Variants in SH3D19 observed in about 807,000 individuals in gnomAD.
The protein encoded by SH3D19 is SH3 domain containing 19, also known as SH3 domain-containing protein 19.
Under a neutral mutation model 112.1 loss-of-function variants are expected in SH3D19, and 58 were observed. The ratio of observed to expected loss-of-function variants is 0.52; its 90% confidence interval spans 0.42 to 0.64. The LOEUF (loss-of-function observed/expected upper bound fraction) is 0.64. Among genes scored for constraint, SH3D19 ranks in the 30% least tolerant of loss-of-function variants. SH3D19 has a pLI of 0.00. For missense variants in SH3D19, 1,090 were observed against 1,263.4 expected, an observed-to-expected ratio of 0.86 and a Z score of 2.08; for synonymous variants, 391 against 448.5, an observed-to-expected ratio of 0.87 and a Z score of 1.62.
chr4:151,133,880 T>G (rs145152940), intron 15 of SH3D19, among the ~76,000 whole-genome samples: 28 of 152,336 alleles, frequency 1.8e-4, no homozygotes, highest in African/African-American at 6.3e-4. Flanking sequence ...ATCTGCAATT[T>G]TGACTGAAAA....
intron 7 of SH3D19, among the ~76,000 whole-genome samples, chr4:151,173,056 A>G (rs2149822105): frequency 6.6e-6 from 1 of 152,374 alleles, no homozygotes; most frequent in African/African-American, 2.4e-5. Context: ...GACTGTATTC[A>G]TGCTTAAAGT....
intron 1 of SH3D19, among the ~76,000 whole-genome samples, chr4:151,307,898 C>T (rs557902761): frequency 3.2e-4 from 49 of 152,256 alleles, no homozygotes; most frequent in African/African-American, 1.2e-3. Context: ...CTACGTTAAA[C>T]CATCTTTATT....
intron 1 of SH3D19, among the ~76,000 whole-genome samples, chr4:151,316,974 T>A (rs1209524449): frequency 2.6e-5 from 4 of 152,220 alleles, no homozygotes; most frequent in Non-Finnish European, 4.4e-5. Flanking sequence ...CTCATACATG[T>A]CAAGTACTAT....
chr4:151,289,120 A>T (rs1045607169), intron 1 of SH3D19, among the ~76,000 whole-genome samples: 1 of 152,230 alleles, frequency 6.6e-6, no homozygotes, highest in African/African-American at 2.4e-5. Flanking sequence ...TTGGTATTGA[A>T]TCAGTTCAAT....
At chr4:151,198,107 A>C (rs1347451757) in intron 2 of SH3D19, among the ~76,000 whole-genome samples, 3 of 151,630 alleles carry the variant, frequency 2.0e-5, no homozygotes, top group South Asian at 2.1e-4. Flanking sequence ...AGATCGAGAC[A>C]ATCCTGGCTA....
chr4:151,161,113 G>A (rs987956865), intron 8 of SH3D19, among the ~76,000 whole-genome samples: 2 of 152,150 alleles, frequency 1.3e-5, no homozygotes, highest in Non-Finnish European at 2.9e-5. Flanking sequence ...GTGGGATGTG[G>A]AGGTAGGAGA....
chr4:151,214,052 A>T (rs1468324897), intron 2 of SH3D19, among the ~76,000 whole-genome samples: 2 of 147,120 alleles, frequency 1.4e-5, no homozygotes, highest in African/African-American at 5.0e-5. Flanking sequence ...ACTTGAGATT[A>T]GGGAGTGATG....
chr4:151,165,004 CA>C (rs1398854473), intron 8 of SH3D19, among the ~76,000 whole-genome samples: 6 of 152,202 alleles, frequency 3.9e-5, no homozygotes, highest in African/African-American at 1.2e-4. Flanking sequence ...TAGACATATA[CA>C]CCTTTATTTG....
intron 1 of SH3D19, among the ~76,000 whole-genome samples, chr4:151,309,066 G>A (rs1729189309): frequency 6.6e-6 from 1 of 151,976 alleles, no homozygotes. Context: ...ATGGGGTTTC[G>A]CCATGTTGGC....
intron 2 of SH3D19, among the ~76,000 whole-genome samples, chr4:151,208,844 AT>A (rs1389459014): frequency 6.7e-6 from 1 of 150,170 alleles, no homozygotes; most frequent in Non-Finnish European, 1.5e-5. Flanking sequence ...CGCCCGGGTA[AT>A]TTTTTGTATT....
chr4:151,265,221 T>A (rs918351381), intron 1 of SH3D19, among the ~76,000 whole-genome samples: 1 of 152,128 alleles, frequency 6.6e-6, no homozygotes, highest in Admixed American at 6.5e-5. Context: ...ACTGTTTATG[T>A]CAGTAACATC....
In SH3D19 at chr4:151,175,044, G is replaced by A; in HGVS notation, c.1160C>T (p.Pro387Leu). 1.2e-6 allele frequency: 2 copies of A among 1,614,200 alleles called. No individual in the cohort carries two copies. The highest frequency in any genetic ancestry group is 1.7e-6 in the Non-Finnish European group (2 of 1,180,036). ...AACACTTCGTATAAGGCCAGGGTTT[G>A]GTTTCTTTGGCAATTCAGGTTTGGT... ...PVTKPELPKK[P>L]NPGLIRSVNP... The change falls in exon 7 of 20, where the codon CCA becomes CTA. Residue 387 changes from proline (P) to leucine (L), a missense_variant. By Grantham distance (98) the Pro-to-Leu change is moderately conservative (BLOSUM62 -3). Transcript: ENST00000604030.
rs555496922 is a variant in SH3D19 at position 151,265,252 on chromosome 4, G to A, written c.113-39166C>T. Among the ~76,000 whole-genome samples, 37 of 151,782 alleles carry A rather than the reference G, an allele frequency of 2.4e-4. 2 individuals carry two copies. The South Asian group carries it at 7.5e-3, about 31-fold the overall frequency. ...ACATCTTGTTAGAATTTTTGCAGAT[G>A]ACAACACCACAGAATTTCAAACAAG... On this transcript the variant is annotated intron_variant, in intron 1 of 19. Coordinates refer to ENST00000604030, the MANE Select transcript of SH3D19 (RefSeq NM_001378122.1).
intron 2 of SH3D19, among the ~76,000 whole-genome samples, chr4:151,208,460 T>G (rs1765433777): frequency 1.3e-5 from 2 of 152,180 alleles, no homozygotes; most frequent in Admixed American, 1.3e-4. Flanking sequence ...AACCTCTGCC[T>G]CCTGAGTTCA....
chr4:151,154,451 T>G (rs1403859113), intron 9 of SH3D19, among the ~76,000 whole-genome samples: 2 of 151,744 alleles, frequency 1.3e-5, no homozygotes, highest in Non-Finnish European at 2.9e-5. Context: ...GGCTAATTTT[T>G]GTATTTTTAG....
chr4:151,181,886 A>G (rs1043565996), intron 3 of SH3D19, among the ~76,000 whole-genome samples: 1 of 152,160 alleles, frequency 6.6e-6, no homozygotes, highest in Non-Finnish European at 1.5e-5. Context: ...AAAGTTGATG[A>G]TCCACAGATT....
intron 1 of SH3D19, among the ~76,000 whole-genome samples, chr4:151,320,300 G>A (rs1008290989): frequency 3.3e-5 from 5 of 152,190 alleles, no homozygotes; most frequent in African/African-American, 1.2e-4. Flanking sequence ...CCAGAATCTT[G>A]TATATCCTCC....
At chr4:151,240,439 C>T (rs1770467123) in intron 1 of SH3D19, among the ~76,000 whole-genome samples, 1 of 151,608 alleles carries the variant, frequency 6.6e-6, no homozygotes, top group South Asian at 2.1e-4. Flanking sequence ...AAGGGAAGTT[C>T]TCTTCACTAC....
intron 17 of SH3D19, among the ~76,000 whole-genome samples, chr4:151,131,741 G>T (rs1262357371): frequency 6.6e-6 from 1 of 152,054 alleles, no homozygotes; most frequent in African/African-American, 2.4e-5. Flanking sequence ...GCCCGCCTCG[G>T]CTTCCCAAAG....
Sources: gnomAD v4.1 joint callset for allele counts (sites outside exome capture counted in the v4.1 genomes callset) on GRCh38, gnomAD v4.1.1 for gene constraint, MANE v1.5 for transcripts, NCBI Gene and HGNC (gene_info 2026-07-23, HGNC 2026-07-21) for gene names.